NUP210L: variants seen among roughly 807,000 people sequenced by gnomAD.
NUP210L encodes the protein nucleoporin 210 like.
Under a neutral mutation model 208.5 loss-of-function variants are expected in NUP210L, and 74 were observed. The observed-to-expected ratio is 0.35, with a 90% CI of 0.29 to 0.43. The LOEUF is 0.43. Ranked by LOEUF, NUP210L falls within the 20% of genes least tolerant of loss-of-function variation. NUP210L has a pLI of 1.00. For missense variants in NUP210L, 1,843 were observed against 2,289.4 expected, an observed-to-expected ratio of 0.81 and a Z score of 3.98; for synonymous variants, 780 against 816.9, an observed-to-expected ratio of 0.95 and a Z score of 0.77.
chr1:154,030,187 A>T, intron 27 of NUP210L, 133 bp from the exon 28 acceptor site: 1 of 534,706 alleles, frequency 1.9e-6, no homozygotes, highest in Non-Finnish European at 3.0e-6. Flanking sequence ...GGAGGGGGCG[A>T]GGGATAGAAG....
chr1:154,154,782 C>A (rs979333301), intron 1 of NUP210L, 60 bp downstream of exon 1: 2 of 1,355,516 alleles, frequency 1.5e-6, no homozygotes, highest in African/African-American at 2.9e-5. Flanking sequence ...AGAGGGAACC[C>A]CCCTCACCCT....
At chr1:154,058,254 C>A (rs764125689) in intron 21 of NUP210L, 38 bp from the exon 22 acceptor site, 4 of 1,608,874 alleles carry the variant, frequency 2.5e-6, no homozygotes, top group Middle Eastern at 1.7e-4. Flanking sequence ...GCAAAGGTGT[C>A]TCATTCACCA....
intron 2 of NUP210L, among the ~76,000 whole-genome samples, chr1:154,147,147 G>C (rs967340327): frequency 3.3e-5 from 5 of 152,134 alleles, no homozygotes; most frequent in African/African-American, 1.2e-4. Flanking sequence ...AAACCTGACA[G>C]ATACCACCAC....
At chr1:154,139,815 T>A in exon 5 of NUP210L, 2 of 1,612,790 alleles carry the variant, frequency 1.2e-6, no homozygotes, top group Non-Finnish European at 1.7e-6. Context: ...ATAGAATGGT[T>A]CATGAATTCG....
At chr1:153,992,811 A>G (rs373799452) in exon 40 of NUP210L, 24 of 1,498,500 alleles carry the variant, frequency 1.6e-5, no homozygotes, top group Non-Finnish European at 2.2e-5. Flanking sequence ...CCCTGCAGTT[A>G]AGAGAAACTT....
At chr1:154,053,493 C>T (rs1486902237) in intron 25 of NUP210L, among the ~76,000 whole-genome samples, 1 of 152,236 alleles carries the variant, frequency 6.6e-6, no homozygotes, top group Non-Finnish European at 1.5e-5. Flanking sequence ...CTCTGCAGCA[C>T]TGTGACATGT....
At position 154,142,416 on chromosome 1, in the gene NUP210L, C is replaced by T. The variant is rs145513483; in HGVS notation, c.473-892G>A. Among the ~76,000 whole-genome samples the T allele has an allele frequency of 7.2e-5, 11 of 151,936 alleles. No homozygotes were observed. In the East Asian group the frequency reaches 2.1e-3, roughly 29 times the overall value. Reference sequence around the variant, plus strand: ...CTCATTATAGCATTAATATAGTATACAGTATTAAAAGCATTAAAGATTAGA... The same window carrying T: ...CTCATTATAGCATTAATATAGTATATAGTATTAAAAGCATTAAAGATTAGA... On this transcript the variant is annotated intron_variant, in intron 3 of 39. Transcript: ENST00000368559.
intron 35 of NUP210L, among the ~76,000 whole-genome samples, chr1:154,004,557 T>C (rs903726200): frequency 6.6e-6 from 1 of 152,068 alleles, no homozygotes; most frequent in African/African-American, 2.4e-5. Context: ...AGTTTCACCA[T>C]GTTGGCCAGG....
chr1:154,150,533 G>A lies in NUP210L; in HGVS notation c.340+2203C>T, dbSNP rs1246817059. On this transcript the variant is annotated intron_variant, in intron 2 of 39. Transcript: ENST00000368559. ...ACTTAAGGTCAGGAGTTCAAGACTA[G>A]CCTGGCCGACATGGTGAAACACCAT... 2.6e-5 allele frequency among the ~76,000 whole-genome samples: 4 copies of A among 151,948 alleles called. No individual in the cohort carries two copies. In the East Asian group the frequency reaches 7.7e-4, roughly 29 times the overall value.
chr1:154,069,682 C>G (rs565429716), intron 17 of NUP210L, among the ~76,000 whole-genome samples: 2 of 152,238 alleles, frequency 1.3e-5, no homozygotes, highest in South Asian at 4.1e-4. Flanking sequence ...ACCATTTGAC[C>G]CAGCCATCCC....
intron 12 of NUP210L, among the ~76,000 whole-genome samples, chr1:154,109,422 T>G (rs771316450): frequency 4.0e-5 from 6 of 151,654 alleles, no homozygotes; most frequent in Non-Finnish European, 1.5e-5. Context: ...AAGAGAGCTA[T>G]AGACCTCACT....
chr1:154,020,551 G>C (rs1424960361), intron 32 of NUP210L, among the ~76,000 whole-genome samples: 1 of 151,346 alleles, frequency 6.6e-6, no homozygotes, highest in African/African-American at 2.5e-5. Context: ...TTTTGAGACA[G>C]AGTCTCGCTC....
chr1:154,073,648 C>A (rs757467742), intron 16 of NUP210L, among the ~76,000 whole-genome samples: 11 of 151,816 alleles, frequency 7.2e-5, no homozygotes, highest in Non-Finnish European at 1.3e-4. Flanking sequence ...AACCCTGTCT[C>A]TACTAAAAAC....
chr1:153,997,875 A>T (rs751784014), intron 37 of NUP210L, among the ~76,000 whole-genome samples: 3 of 149,760 alleles, frequency 2.0e-5, no homozygotes, highest in Admixed American at 1.3e-4. Context: ...ATTTTTATTT[A>T]TTTTTTTTAT....
At chr1:154,117,546 C>T (rs1404967822) in intron 12 of NUP210L, among the ~76,000 whole-genome samples, 179 bp downstream of exon 12, 1 of 152,042 alleles carries the variant, frequency 6.6e-6, no homozygotes, top group African/African-American at 2.4e-5. Flanking sequence ...GATCTTGCCA[C>T]TGCACTGCAG....
intron 23 of NUP210L, among the ~76,000 whole-genome samples, chr1:154,056,144 C>T (rs780495841): frequency 6.6e-6 from 1 of 152,178 alleles, no homozygotes; most frequent in Non-Finnish European, 1.5e-5. Flanking sequence ...GTGCTTTCCA[C>T]ATTTTCTTTT....
At chr1:154,084,189 G>A (rs935424078) in intron 16 of NUP210L, among the ~76,000 whole-genome samples, 2 of 150,320 alleles carry the variant, frequency 1.3e-5, no homozygotes, top group African/African-American at 2.4e-5. Flanking sequence ...ACAGGAGCAC[G>A]TTACCATGCT....
intron 25 of NUP210L, among the ~76,000 whole-genome samples, chr1:154,047,833 C>T (rs1021291889): frequency 3.3e-5 from 5 of 152,088 alleles, no homozygotes; most frequent in Admixed American, 6.5e-5. Context: ...AGGGTCTCCA[C>T]GACTGAGCTG....
In NUP210L at chr1:154,143,587, A is replaced by G. The variant is rs1291289132; in HGVS notation, c.341-10T>C. ...AGCTCATGGTCAGTCACTACAATGA[A>G]CCCAAAAACTGAGTATTTAATTCAA... is the stretch of plus-strand genomic sequence containing the variant. On this transcript the variant is annotated splice_polypyrimidine_tract_variant and intron_variant, in intron 2 of 39. Transcript: ENST00000368559. 6.2e-7 allele frequency: 1 copy of G among 1,607,318 alleles called. No individual in the cohort carries two copies. The highest frequency in any genetic ancestry group is 1.1e-5 in the South Asian group (1 of 89,840).
Sources: gnomAD v4.1 joint callset for allele counts (sites outside exome capture counted in the v4.1 genomes callset) on GRCh38, gnomAD v4.1.1 for gene constraint, MANE v1.5 for transcripts, NCBI Gene and HGNC (gene_info 2026-07-23, HGNC 2026-07-21) for gene names.